The following SMIM14 variants were observed in gnomAD, a reference collection of about 807,000 sequenced individuals.
The protein encoded by SMIM14 is chromosome 4 open reading frame 34.
Under a neutral mutation model 12.6 loss-of-function variants are expected in SMIM14, and 5 were observed. The observed-to-expected ratio is 0.40, with a 90% confidence interval of 0.21 to 0.83. SMIM14 has a LOEUF of 0.83. Ranked by LOEUF, SMIM14 falls within the 40% of genes least tolerant of loss-of-function variation. SMIM14 has a pLI of 0.37. For synonymous variants in SMIM14, 30 were observed against 40.1 expected (o/e 0.75, Z 0.95); for missense variants, 86 against 119.1 (o/e 0.72, Z 1.29).
At position 39,555,459 on chromosome 4, in the gene SMIM14, C is replaced by G. The variant is rs143145488; in HGVS notation, c.267+969G>C. 3.7e-3 allele frequency among the ~76,000 whole-genome samples: 568 copies of G among 152,158 alleles called. 7 individuals are homozygous for G. Among genetic ancestry groups the G allele is most frequent in the Admixed American group, 0.026 (402 of 15,280 alleles). ...TGTTGCCCAGGGTGGTCTTGAACAC[C>G]GGAGCTCAGGTGATCCGCCCCCCTT... On this transcript the variant is annotated intron_variant, in intron 4 of 4. Transcript: ENST00000295958.
chr4:39,565,092 C>G (rs1712506559), intron 3 of SMIM14, among the ~76,000 whole-genome samples: 1 of 152,252 alleles, frequency 6.6e-6, no homozygotes, highest in African/African-American at 2.4e-5. Flanking sequence ...GTGGCACACA[C>G]CTGTGGTCCC....
rs556049251 is a variant in SMIM14 at position 39,604,084 on chromosome 4, C to A, written c.75+987G>T. On this transcript the variant is annotated intron_variant, in intron 2 of 4. Coordinates refer to ENST00000295958, the MANE Select transcript of SMIM14 (RefSeq NM_174921.3). ...GCCATATGTTGGTGTAGGATATGAACTATATCATAACAGGAACTGTCAATA... is the reference window on the plus strand; with the variant it reads ...GCCATATGTTGGTGTAGGATATGAAATATATCATAACAGGAACTGTCAATA... Among the ~76,000 whole-genome samples the A allele has an allele frequency of 4.6e-5, 7 of 151,620 alleles. No individual in the cohort carries two copies. In the South Asian group the frequency reaches 1.5e-3, roughly 32 times the overall value.
chr4:39,557,784 G>C (rs530176747), intron 3 of SMIM14, among the ~76,000 whole-genome samples: 2 of 152,152 alleles, frequency 1.3e-5, no homozygotes, highest in South Asian at 4.2e-4. Context: ...CTCTCCTTTG[G>C]GGGGAAAAAT....
In SMIM14 at chr4:39,592,773, G is replaced by A. The variant is rs184464196; in HGVS notation, c.75+12298C>T. ...ACTATCATCAGAGAATACTACAAAC[G>A]CCTCTACGCAAAGAAACTAGAAAAT... is the stretch of plus-strand genomic sequence containing the variant. On this transcript the variant is annotated intron_variant, in intron 2 of 4. Coordinates refer to ENST00000295958, the MANE Select transcript of SMIM14 (RefSeq NM_174921.3). 263 of 152,122 alleles carry A rather than the reference G, an allele frequency of 1.7e-3. 1 individual carries two copies. Among genetic ancestry groups the A allele is most frequent in the African/African-American group, 5.9e-3 (245 of 41,522 alleles). 9.4% of individuals were successfully genotyped at this position (152,122 alleles called of 1,614,324 possible). A position where few individuals can be genotyped will look rare whatever the true frequency, so the allele number is the denominator to read the frequency against.
rs1042882777 is a variant in SMIM14, at chr4:39,560,758, A to G, written c.125-4188T>C. ...CCCCGCCCTACCCCCTTCCACCCCAACTACCAAACTGGATCTCTGTTCATC... is the reference window on the plus strand; with the variant it reads ...CCCCGCCCTACCCCCTTCCACCCCAGCTACCAAACTGGATCTCTGTTCATC... On this transcript the variant is annotated intron_variant, in intron 3 of 4. Coordinates refer to ENST00000295958, the MANE Select transcript of SMIM14 (RefSeq NM_174921.3). Among the ~76,000 whole-genome samples the G allele has an allele frequency of 2.6e-5, 4 of 152,136 alleles. 1 individual carries two copies. The South Asian group carries it at 6.2e-4, about 24-fold the overall frequency.
chr4:39,600,982 G>A (rs1487559928), intron 2 of SMIM14, among the ~76,000 whole-genome samples: 1 of 151,980 alleles, frequency 6.6e-6, no homozygotes, highest in Non-Finnish European at 1.5e-5. Context: ...AGGGCAACTT[G>A]AGTGTATGCT....
intron 1 of SMIM14, among the ~76,000 whole-genome samples, chr4:39,627,644 T>C (rs1341267608): frequency 6.6e-6 from 1 of 152,156 alleles, no homozygotes; most frequent in Admixed American, 6.6e-5. Flanking sequence ...TAGCCCAAGT[T>C]CTCTGTATAG....
chr4:39,637,126 A>T (rs1481449073), intron 1 of SMIM14, among the ~76,000 whole-genome samples: 1 of 152,260 alleles, frequency 6.6e-6, no homozygotes, highest in Non-Finnish European at 1.5e-5. Context: ...CCATATTTGT[A>T]TAAAATATAT....
chr4:39,577,118 G>C (rs1022954074), intron 2 of SMIM14, among the ~76,000 whole-genome samples: 2 of 151,954 alleles, frequency 1.3e-5, no homozygotes, highest in African/African-American at 4.8e-5. Flanking sequence ...GGGAGGCCAA[G>C]GCAGGTGAAC....
At chr4:39,565,209 CTT>C (rs755694929) in intron 3 of SMIM14, among the ~76,000 whole-genome samples, 2 of 152,176 alleles carry the variant, frequency 1.3e-5, no homozygotes, top group Non-Finnish European at 2.9e-5. Flanking sequence ...CAGAGTAAGA[CTT>C]TGTCTCCAGA....
chr4:39,609,032 A>C (rs1031029201), intron 1 of SMIM14, among the ~76,000 whole-genome samples: 1 of 152,182 alleles, frequency 6.6e-6, no homozygotes, highest in Non-Finnish European at 1.5e-5. Flanking sequence ...GCTGGAGTGC[A>C]GTGTCATGAT....
At chr4:39,594,509 T>C (rs1333439196) in intron 2 of SMIM14, 16 of 148,696 alleles carry the variant, frequency 1.1e-4, no homozygotes, top group Non-Finnish European at 2.4e-4. Flanking sequence ...ACTTCATGTC[T>C]AAAACACCAA....
chr4:39,618,321 A>T (rs1715297591), intron 1 of SMIM14, among the ~76,000 whole-genome samples: 1 of 152,184 alleles, frequency 6.6e-6, no homozygotes, highest in Non-Finnish European at 1.5e-5. Context: ...AAAAACGATG[A>T]GCAAGATGTG....
rs530344119 is a variant in SMIM14 at position 39,580,376 on chromosome 4, C to A, written c.76-7913G>T. Among the ~76,000 whole-genome samples the A allele has an allele frequency of 3.3e-5, 5 of 152,102 alleles. No homozygotes were observed. In the East Asian group the frequency reaches 9.6e-4, roughly 29 times the overall value. ...ATTTTTATTTTTGTAGCGACAGTCT[C>A]CCTATGCTGTCCAGGCTGTTCTCCA... On this transcript the variant is annotated intron_variant, in intron 2 of 4. Transcript: ENST00000295958.
intron 4 of SMIM14, among the ~76,000 whole-genome samples, chr4:39,555,026 G>T (rs1216955338): frequency 6.6e-6 from 1 of 151,826 alleles, no homozygotes; most frequent in African/African-American, 2.4e-5. Flanking sequence ...ACTAGAGACA[G>T]GGTTTCACCA....
chr4:39,628,456 C>T (rs1715782028), intron 1 of SMIM14, among the ~76,000 whole-genome samples: 1 of 151,902 alleles, frequency 6.6e-6, no homozygotes, highest in Non-Finnish European at 1.5e-5. Context: ...GGGCAGATCA[C>T]GAGGTCAGGA....
rs760543495 is a variant in SMIM14, at chr4:39,552,096, T to C, written c.*30A>G. The C allele has an allele frequency of 5.1e-6, 8 of 1,581,160 alleles. No individual in the cohort carries two copies. In the East Asian group the frequency reaches 1.8e-4, roughly 36 times the overall value. ...TTCGTTCGTTTGGTCGTGCAAGGTG[T>C]TAACTATTTTCACTTCCCATATCAC... On this transcript the variant is annotated 3_prime_UTR_variant, in exon 5 of 5. Coordinates refer to ENST00000295958, the MANE Select transcript of SMIM14 (RefSeq NM_174921.3).
At chr4:39,631,589 G>A (rs1439220655) in intron 1 of SMIM14, among the ~76,000 whole-genome samples, 7 of 151,950 alleles carry the variant, frequency 4.6e-5, no homozygotes, top group Admixed American at 4.6e-4. Context: ...AACCCGGGAA[G>A]CGGAGCTTGC....
At chr4:39,629,318 G>A (rs1382487172) in intron 1 of SMIM14, among the ~76,000 whole-genome samples, 4 of 133,776 alleles carry the variant, frequency 3.0e-5, no homozygotes, top group South Asian at 2.3e-4. Flanking sequence ...CCGAGATCGT[G>A]CCACTGCACT....
Sources: allele counts gnomAD v4.1 joint callset (sites outside exome capture counted in the v4.1 genomes callset), GRCh38; gene constraint gnomAD v4.1.1; transcripts MANE v1.5; gene names NCBI Gene and HGNC (gene_info 2026-07-23, HGNC 2026-07-21).